The following ADAMTSL1 variants were observed in gnomAD, a reference collection of about 807,000 sequenced individuals.
ADAMTSL1 encodes ADAMTS-like protein 1.
ADAMTSL1 carries 126 observed loss-of-function variants against 201.8 expected under a neutral mutation model. The observed-to-expected ratio is 0.62, with a 90% CI of 0.54 to 0.72. The LOEUF (loss-of-function observed/expected upper bound fraction) is 0.72. Ranked by LOEUF, ADAMTSL1 falls within the 30% of genes least tolerant of loss-of-function variation. The pLI, the probability that ADAMTSL1 is intolerant of heterozygous loss-of-function variation, is 0.00. For missense variants in ADAMTSL1, 2,679 were observed against 2,277.8 expected, an observed-to-expected ratio of 1.18 and a Z score of -3.59; for synonymous variants, 1,121 against 903.4, an observed-to-expected ratio of 1.24 and a Z score of -4.32.
chr9:17,998,876 C>G (rs1217175803), intron 1 of ADAMTSL1, among the ~76,000 whole-genome samples: 1 of 152,010 alleles, frequency 6.6e-6, no homozygotes, highest in Non-Finnish European at 1.5e-5. Flanking sequence ...AGAAATCAAG[C>G]ATATGTTCAA....
At chr9:18,522,284 T>C (rs569732800) in intron 2 of ADAMTSL1, among the ~76,000 whole-genome samples, 2 of 152,084 alleles carry the variant, frequency 1.3e-5, no homozygotes, top group East Asian at 3.9e-4. Flanking sequence ...TGTACCCGAG[T>C]CTAAAATAAA....
intron 1 of ADAMTSL1, among the ~76,000 whole-genome samples, chr9:18,100,596 A>AT (rs1223793405): frequency 6.6e-6 from 1 of 151,562 alleles, no homozygotes; most frequent in African/African-American, 2.4e-5. Context: ...CCCCTCCCCT[A>AT]TTTTTTTCTG....
intron 9 of ADAMTSL1, among the ~76,000 whole-genome samples, chr9:18,671,834 G>A (rs962151787): frequency 1.4e-4 from 22 of 152,164 alleles, no homozygotes; most frequent in Admixed American, 8.5e-4. Context: ...GCAGGAGATC[G>A]AGACCATCCT....
intron 2 of ADAMTSL1, among the ~76,000 whole-genome samples, chr9:18,357,956 T>C (rs951051822): frequency 6.6e-6 from 1 of 152,168 alleles, no homozygotes; most frequent in African/African-American, 2.4e-5. Context: ...TTTTACTTTG[T>C]TGTTGTTCAG....
intron 1 of ADAMTSL1, among the ~76,000 whole-genome samples, chr9:18,150,306 G>T (rs768627810): frequency 1.3e-5 from 2 of 152,088 alleles, no homozygotes; most frequent in Non-Finnish European, 2.9e-5. Context: ...ACGGAAGACA[G>T]TCTGAAGGGT....
At chr9:18,153,808 A>G (rs917541695) in intron 1 of ADAMTSL1, among the ~76,000 whole-genome samples, 3 of 152,066 alleles carry the variant, frequency 2.0e-5, no homozygotes, top group African/African-American at 7.2e-5. Context: ...GTATGATACT[A>G]AAATTTTTCC....
At chr9:18,753,157 T>C in intron 15 of ADAMTSL1, 141 bp from the exon 16 acceptor site, 1 of 771,018 alleles carries the variant, frequency 1.3e-6, no homozygotes, top group Non-Finnish European at 2.3e-6. Flanking sequence ...GATTCTAGGC[T>C]TAAGATAGAG....
At chr9:17,991,570 C>G (rs1057294994) in intron 1 of ADAMTSL1, among the ~76,000 whole-genome samples, 2 of 152,114 alleles carry the variant, frequency 1.3e-5, no homozygotes, top group Non-Finnish European at 2.9e-5. Context: ...TAGTTCAAGT[C>G]TTTCAGATTC....
At chr9:18,785,026 T>C (rs1167328615) in intron 19 of ADAMTSL1, among the ~76,000 whole-genome samples, 1 of 152,108 alleles carries the variant, frequency 6.6e-6, no homozygotes, top group Non-Finnish European at 1.5e-5. Context: ...TAGCTGGGCA[T>C]GGTGGTGCAT....
At chr9:18,633,850 C>G (rs1233997417) in intron 5 of ADAMTSL1, among the ~76,000 whole-genome samples, 1 of 151,908 alleles carries the variant, frequency 6.6e-6, no homozygotes, top group Non-Finnish European at 1.5e-5. Flanking sequence ...GCATATGATT[C>G]TTTTTTCTCA....
At chr9:18,737,633 G>C (rs1473898863) in intron 15 of ADAMTSL1, among the ~76,000 whole-genome samples, 1 of 152,186 alleles carries the variant, frequency 6.6e-6, no homozygotes, top group Non-Finnish European at 1.5e-5. Flanking sequence ...GCTGAAAGAT[G>C]TGTCTAGAAT....
At chr9:18,357,759 C>G (rs1021500270) in intron 2 of ADAMTSL1, among the ~76,000 whole-genome samples, 3 of 151,984 alleles carry the variant, frequency 2.0e-5, no homozygotes, top group Non-Finnish European at 4.4e-5. Context: ...TTTTCCATAA[C>G]CTAGAATTGG....
chr9:18,562,632 C>T (rs1018387063), intron 3 of ADAMTSL1, among the ~76,000 whole-genome samples: 4 of 152,156 alleles, frequency 2.6e-5, no homozygotes, highest in African/African-American at 9.7e-5. Context: ...TTCCATTCTC[C>T]CTGTCACTTT....
intron 23 of ADAMTSL1, among the ~76,000 whole-genome samples, chr9:18,853,562 C>A (rs1158248150): frequency 6.6e-6 from 1 of 152,152 alleles, no homozygotes; most frequent in South Asian, 2.1e-4. Flanking sequence ...AGAATTCAGG[C>A]TCCTCTCATC....
intron 23 of ADAMTSL1, among the ~76,000 whole-genome samples, chr9:18,881,082 A>C (rs1828502787): frequency 6.6e-6 from 1 of 152,218 alleles, no homozygotes; most frequent in South Asian, 2.1e-4. Context: ...GCTCTGGATT[A>C]GGCACTAGAT....
chr9:18,904,732 CTT>C (rs373922316), intron 26 of ADAMTSL1, among the ~76,000 whole-genome samples: 19 of 55,244 alleles, frequency 3.4e-4, no homozygotes, highest in South Asian at 9.7e-4. Flanking sequence ...GTTAAGGGGG[CTT>C]TTTTTTTTTT....
chr9:18,364,925 T>C (rs1295262377), intron 2 of ADAMTSL1, among the ~76,000 whole-genome samples: 1 of 151,944 alleles, frequency 6.6e-6, no homozygotes, highest in African/African-American at 2.4e-5. Flanking sequence ...AAACCATTCA[T>C]CAGAACTCCG....
At chr9:18,319,948 T>A (rs1247088964) in intron 2 of ADAMTSL1, among the ~76,000 whole-genome samples, 3 of 151,928 alleles carry the variant, frequency 2.0e-5, no homozygotes, top group South Asian at 2.1e-4. Context: ...ACAAAAGAGA[T>A]TTGAAGTGTG....
At chr9:18,005,778 C>A (rs984428175) in intron 1 of ADAMTSL1, among the ~76,000 whole-genome samples, 1 of 152,002 alleles carries the variant, frequency 6.6e-6, no homozygotes, top group Non-Finnish European at 1.5e-5. Flanking sequence ...TTTGGCACAT[C>A]ACCTAGCCTT....
Sources: allele counts gnomAD v4.1 joint callset (sites outside exome capture counted in the v4.1 genomes callset), GRCh38; gene constraint gnomAD v4.1.1; transcripts MANE v1.5; gene names NCBI Gene and HGNC (gene_info 2026-07-23, HGNC 2026-07-21).